Variants in GLYATL1 observed in about 807,000 individuals in gnomAD.
GLYATL1 encodes the protein glycine N-acyltransferase-like protein 1.
In GLYATL1, 15 loss-of-function variants were observed where a neutral mutation model predicts 20.0. The ratio of observed to expected loss-of-function variants is 0.75; its 90% CI spans 0.50 to 1.15. GLYATL1 has a LOEUF of 1.15. Among genes scored for constraint, GLYATL1 ranks in the 50% most tolerant of loss-of-function variants. The pLI is 0.00. For synonymous variants in GLYATL1, 151 were observed against 131.5 expected (o/e 1.15, Z -1.01); for missense variants, 380 against 368.5 (o/e 1.03, Z -0.26).
chr11:58,944,728 C>T (rs1413590285), intron 2 of GLYATL1, among the ~76,000 whole-genome samples: 1 of 151,956 alleles, frequency 6.6e-6, no homozygotes, highest in Admixed American at 6.6e-5. Context: ...TTTCTGTAGT[C>T]TTCACAGTGA....
At chr11:58,913,463 G>A (rs182541393), downstream of GLYATL1, among the ~76,000 whole-genome samples, 14 of 152,216 alleles carry the variant, frequency 9.2e-5, no homozygotes, top group East Asian at 1.5e-3. Flanking sequence ...TTTCTTCCTC[G>A]TCTCTCATTG....
chr11:58,933,538 T>C (rs480196), intron 1 of GLYATL1: 1 of 151,948 alleles, frequency 6.6e-6, no homozygotes, highest in South Asian at 2.1e-4. Context: ...GGTTGTCTTA[T>C]AGCTCACCAA....
chr11:58,911,526 A>G (rs564091432), downstream of GLYATL1, among the ~76,000 whole-genome samples: 1 of 152,314 alleles, frequency 6.6e-6, no homozygotes, highest in South Asian at 2.1e-4. Flanking sequence ...TAGGTATGTA[A>G]TGGCATCTTT....
At chr11:58,917,394 G>T (rs1855200254) in intron 1 of GLYATL1, 1 of 152,208 alleles carries the variant, frequency 6.6e-6, no homozygotes, top group South Asian at 2.1e-4. Flanking sequence ...CCAGAACAAA[G>T]ACAGCACTTG....
At chr11:58,940,697 C>T (rs1045670378) in intron 1 of GLYATL1, among the ~76,000 whole-genome samples, 1 of 152,102 alleles carries the variant, frequency 6.6e-6, no homozygotes. Flanking sequence ...TTTGTTTCTG[C>T]TAGATATTTT....
At chr11:58,954,682 T>G in intron 4 of GLYATL1, 88 bp from the exon 5 acceptor site, 1 of 1,341,130 alleles carries the variant, frequency 7.5e-7, no homozygotes, top group East Asian at 2.4e-5. Flanking sequence ...AATTTTCTTT[T>G]GAACTTTCAT....
At chr11:58,909,364 A>T (rs1854984856), downstream of GLYATL1, among the ~76,000 whole-genome samples, 1 of 152,178 alleles carries the variant, frequency 6.6e-6, no homozygotes, top group African/African-American at 2.4e-5. Context: ...ATTATTGCTA[A>T]AATGATAGAT....
At chr11:58,939,924 A>T (rs996583116) in intron 1 of GLYATL1, among the ~76,000 whole-genome samples, 13 of 152,196 alleles carry the variant, frequency 8.5e-5, no homozygotes, top group South Asian at 2.1e-4. Flanking sequence ...ATTGAGCCCA[A>T]CCAATGGAGA....
chr11:58,951,173 GTTAA>G (rs1193929948), intron 4 of GLYATL1, among the ~76,000 whole-genome samples: 2 of 152,112 alleles, frequency 1.3e-5, no homozygotes, highest in East Asian at 1.9e-4. Flanking sequence ...CTTACAGTGA[GTTAA>G]TTGTTACTTT....
chr11:58,941,338 G>A (rs489732), intron 1 of GLYATL1, among the ~76,000 whole-genome samples: 1 of 151,364 alleles, frequency 6.6e-6, no homozygotes, highest in Non-Finnish European at 1.5e-5. Context: ...ATGATTTCTA[G>A]TTTCATCCAT....
intron 1 of GLYATL1, among the ~76,000 whole-genome samples, chr11:58,906,221 TG>T (rs1271583225): frequency 6.6e-6 from 1 of 152,150 alleles, no homozygotes; most frequent in Admixed American, 6.5e-5. Context: ...GATGGGGAGC[TG>T]GGCCCCGCCC....
chr11:58,941,922 G>A (rs1199660087), intron 1 of GLYATL1, among the ~76,000 whole-genome samples: 2 of 152,122 alleles, frequency 1.3e-5, no homozygotes, highest in African/African-American at 2.4e-5. Flanking sequence ...TGTTATTGAC[G>A]GAAGACTAAA....
chr11:58,934,145 A>C (rs1262282819), intron 1 of GLYATL1: 1 of 153,078 alleles, frequency 6.5e-6, no homozygotes, highest in African/African-American at 2.4e-5. Context: ...ATCTGAGTCC[A>C]TGGGGACTGG....
intron 1 of GLYATL1, among the ~76,000 whole-genome samples, chr11:58,930,053 C>G (rs566203151): frequency 6.6e-6 from 1 of 152,100 alleles, no homozygotes; most frequent in Non-Finnish European, 1.5e-5. Flanking sequence ...CAAATTAGTT[C>G]TCTGTTATTC....
At chr11:58,948,155 C>A (rs1856716497) in intron 4 of GLYATL1, among the ~76,000 whole-genome samples, 190 bp downstream of exon 4, 1 of 152,090 alleles carries the variant, frequency 6.6e-6, no homozygotes, top group Non-Finnish European at 1.5e-5. Flanking sequence ...TAGGACCCTT[C>A]TGGGAAAGGG....
upstream of GLYATL1, chr11:58,935,765 C>T (rs966021106): frequency 6.6e-6 from 1 of 151,924 alleles, no homozygotes; most frequent in South Asian, 2.1e-4. Flanking sequence ...CATATATACA[C>T]ACAATAATAA....
intron 4 of GLYATL1, among the ~76,000 whole-genome samples, chr11:58,950,488 C>A (rs1006084758): frequency 3.3e-5 from 5 of 152,174 alleles, no homozygotes; most frequent in African/African-American, 1.2e-4. Flanking sequence ...CTGTTGGGTT[C>A]AAACTGTTCA....
chr11:58,924,078 C>T (rs1416037578), upstream of GLYATL1, among the ~76,000 whole-genome samples: 1 of 152,170 alleles, frequency 6.6e-6, no homozygotes, highest in Non-Finnish European at 1.5e-5. Flanking sequence ...TTTGCCAGTC[C>T]TGCTGAGTGT....
At chr11:58,937,649 C>T, upstream of GLYATL1, among the ~76,000 whole-genome samples, 1 of 152,144 alleles carries the variant, frequency 6.6e-6, no homozygotes, top group South Asian at 2.1e-4. Flanking sequence ...TATCCATAAT[C>T]TTATTAATTT....
Sources: allele counts gnomAD v4.1 joint callset (sites outside exome capture counted in the v4.1 genomes callset), GRCh38; gene constraint gnomAD v4.1.1; transcripts MANE v1.5; gene names NCBI Gene and HGNC (gene_info 2026-07-23, HGNC 2026-07-21).